The following TNR variants were observed in gnomAD, a reference collection of about 807,000 sequenced individuals.
The protein encoded by TNR is tenascin-R.
Under a neutral mutation model 150.4 loss-of-function variants are expected in TNR, and 45 were observed. That is an observed-to-expected ratio of 0.30 (90% CI 0.24 to 0.38). The LOEUF is 0.38. Ranked by LOEUF, TNR falls within the 10% of genes least tolerant of loss-of-function variation. The pLI is 1.00. For missense variants in TNR, 1,544 were observed against 1,759.1 expected (o/e 0.88, Z 2.19); for synonymous variants, 687 against 678.4 (o/e 1.01, Z -0.20).
At chr1:175,658,851 G>A (rs1340625103) in intron 1 of TNR, among the ~76,000 whole-genome samples, 1 of 152,184 alleles carries the variant, frequency 6.6e-6, no homozygotes, top group East Asian at 1.9e-4. Flanking sequence ...CCAAATTAGA[G>A]GAAGAGAGGG....
At chr1:175,373,410 C>T (rs542649631) in intron 9 of TNR, among the ~76,000 whole-genome samples, 6 of 152,292 alleles carry the variant, frequency 3.9e-5, no homozygotes, top group Admixed American at 3.3e-4. Context: ...AAATGGAGAT[C>T]TGAGCAGTCA....
intron 1 of TNR, among the ~76,000 whole-genome samples, chr1:175,583,680 T>A (rs1347077166): frequency 6.6e-6 from 1 of 152,156 alleles, no homozygotes; most frequent in Non-Finnish European, 1.5e-5. Flanking sequence ...AAGGATGGCT[T>A]AGATACCAAA....
At chr1:175,458,037 G>A (rs914173977) in intron 2 of TNR, among the ~76,000 whole-genome samples, 1 of 152,128 alleles carries the variant, frequency 6.6e-6, no homozygotes, top group African/African-American at 2.4e-5. Context: ...TGTAAAATGG[G>A]GAAATAGTAC....
chr1:175,417,055 G>T (rs1301070199), intron 2 of TNR, among the ~76,000 whole-genome samples: 1 of 103,736 alleles, frequency 9.6e-6, no homozygotes, highest in East Asian at 3.1e-4. Context: ...AAGAAAGAAA[G>T]AAAGAAAGAA....
chr1:175,709,308 TACAC>T (rs371591261), intron 1 of TNR, among the ~76,000 whole-genome samples: 13,534 of 127,722 alleles, frequency 0.11, 661 homozygotes, highest in Non-Finnish European at 0.13. Context: ...CACACACACA[TACAC>T]ACACACACAC....
At chr1:175,331,177 C>T (rs59707892) in intron 20 of TNR, among the ~76,000 whole-genome samples, 1,201 of 49,946 alleles carry the variant, frequency 0.024, 9 homozygotes, top group East Asian at 0.052. Context: ...TTCCTTCCTT[C>T]CTTCCTTCCT....
At chr1:175,616,263 C>G (rs956530162) in intron 1 of TNR, among the ~76,000 whole-genome samples, 2 of 152,186 alleles carry the variant, frequency 1.3e-5, no homozygotes, top group African/African-American at 4.8e-5. Context: ...TGTTCATGAC[C>G]AAAGCCTCCC....
intron 1 of TNR, among the ~76,000 whole-genome samples, chr1:175,662,203 T>C (rs1349206072): frequency 6.6e-6 from 1 of 152,188 alleles, no homozygotes; most frequent in Non-Finnish European, 1.5e-5. Context: ...TATGACATGG[T>C]GGTTCATAAA....
chr1:175,635,785 C>T (rs752390863), intron 1 of TNR, among the ~76,000 whole-genome samples: 5 of 152,142 alleles, frequency 3.3e-5, no homozygotes, highest in African/African-American at 7.2e-5. Flanking sequence ...TACAGTCCAT[C>T]GAGCCCCACA....
At chr1:175,543,332 A>G (rs1009082815) in intron 1 of TNR, among the ~76,000 whole-genome samples, 4 of 152,144 alleles carry the variant, frequency 2.6e-5, no homozygotes, top group Non-Finnish European at 4.4e-5. Context: ...AGGTTCTAGA[A>G]AAGGGAGATT....
chr1:175,643,452 G>T (rs1664723974), intron 1 of TNR, among the ~76,000 whole-genome samples: 1 of 152,160 alleles, frequency 6.6e-6, no homozygotes, highest in South Asian at 2.1e-4. Context: ...AGATTTCCAT[G>T]GCCTGTTCAT....
intron 2 of TNR, among the ~76,000 whole-genome samples, chr1:175,422,416 C>T (rs1654791094): frequency 6.6e-6 from 1 of 152,222 alleles, no homozygotes; most frequent in South Asian, 2.1e-4. Flanking sequence ...TCCAGCCATC[C>T]TTACCTACCC....
chr1:175,442,863 G>C (rs983597924), intron 2 of TNR, among the ~76,000 whole-genome samples: 2 of 151,708 alleles, frequency 1.3e-5, no homozygotes, highest in Non-Finnish European at 2.9e-5. Context: ...AAAGACAGTT[G>C]ATATATTTCC....
chr1:175,406,367 G>C lies in TNR; in HGVS notation c.348C>G (p.His116Gln), dbSNP rs761937844. ...SDHESQVTFTHRINFPKKACP... is the reference protein window; with the variant it reads ...SDHESQVTFTQRINFPKKACP... ...AGGCCTTTTTGGGGAAGTTGATCCT[G>C]TGTGTAAAGGTGACCTGGCTCTCGT... Residue 116 changes from histidine (H) to glutamine (Q), a missense_variant, in exon 3 of 23, where the codon CAC (histidine) becomes CAG (glutamine). Physicochemically the swap from His to Gln is conservative, Grantham distance 24 (BLOSUM62 0). This residue lies in a region of TNR where 1,254 missense variants were observed against 1,329.4 expected (regional missense o/e 0.94). Coordinates refer to ENST00000367674, the MANE Select transcript of TNR (RefSeq NM_003285.3). 5 of 1,614,034 alleles carry C rather than the reference G, an allele frequency of 3.1e-6. No individual in the cohort carries two copies. The highest frequency in any genetic ancestry group is 4.5e-5 in the East Asian group (2 of 44,894).
intron 1 of TNR, among the ~76,000 whole-genome samples, chr1:175,735,169 G>C (rs1157144173): frequency 3.9e-5 from 6 of 152,136 alleles, no homozygotes; most frequent in African/African-American, 1.4e-4. Context: ...CTGGTGTTCA[G>C]GGCCCTGTCT....
intron 2 of TNR, among the ~76,000 whole-genome samples, chr1:175,503,017 G>A (rs1175176376): frequency 6.7e-5 from 10 of 148,548 alleles, no homozygotes; most frequent in African/African-American, 2.6e-4. Flanking sequence ...GTCAGCATAT[G>A]CTCATCCCAA....
chr1:175,346,477 G>A (rs575740568), intron 18 of TNR, among the ~76,000 whole-genome samples: 1 of 152,048 alleles, frequency 6.6e-6, no homozygotes, highest in African/African-American at 2.4e-5. Flanking sequence ...ACAGGACTAT[G>A]TATCTGAAAT....
rs931826349 is a variant in TNR at position 175,328,570 on chromosome 1, G to A, written c.3793+1504C>T. 2.6e-5 allele frequency among the ~76,000 whole-genome samples: 4 copies of A among 152,184 alleles called. No individual in the cohort carries two copies. The South Asian group carries it at 6.2e-4, about 24-fold the overall frequency. ...TGCCTAGAGGGGATGGCAGCCTAACGGAAGCCTAGCTTTTCATCTTTTGAA... is the reference window on the plus strand; with the variant it reads ...TGCCTAGAGGGGATGGCAGCCTAACAGAAGCCTAGCTTTTCATCTTTTGAA... On this transcript the variant is annotated intron_variant, in intron 21 of 22. Transcript: ENST00000367674.
At chr1:175,518,383 C>T (rs1659499270) in intron 2 of TNR, among the ~76,000 whole-genome samples, 1 of 152,220 alleles carries the variant, frequency 6.6e-6, no homozygotes, top group Non-Finnish European at 1.5e-5. Context: ...CCACACAGGT[C>T]TGTCCTCGAT....
Sources: gnomAD v4.1 joint callset for allele counts (sites outside exome capture counted in the v4.1 genomes callset) on GRCh38, gnomAD v4.1.1 for gene constraint, gnomAD v4.1.1 regional missense constraint, MANE v1.5 for transcripts, NCBI Gene and HGNC (gene_info 2026-07-23, HGNC 2026-07-21) for gene names.